PDE7B: variants seen among roughly 807,000 people sequenced by gnomAD.
PDE7B encodes phosphodiesterase 7B.
A neutral mutation model predicts 56.2 loss-of-function variants in PDE7B; 29 were observed. That is an observed-to-expected ratio of 0.52 (90% CI 0.38 to 0.70). The LOEUF is 0.70. PDE7B is among the 30% of genes least tolerant of loss of function. The probability of loss-of-function intolerance (pLI) is 0.00; values close to 1 mark genes in which losing one functional copy is unlikely to be tolerated. For missense variants in PDE7B, 490 were observed against 565.0 expected (o/e 0.87, Z 1.35); for synonymous variants, 197 against 196.9 (o/e 1.00, Z 0.00).
intron 11 of PDE7B, 95 bp from the exon 12 acceptor site, chr6:136,186,941 A>T (rs1165279372): frequency 6.8e-6 from 5 of 740,010 alleles, no homozygotes; most frequent in African/African-American, 5.3e-5. Flanking sequence ...AATTCCCAGA[A>T]TAACTTCTTC....
intron 2 of PDE7B, among the ~76,000 whole-genome samples, chr6:136,083,823 TC>T (rs978410264): frequency 6.6e-6 from 1 of 152,038 alleles, no homozygotes; most frequent in African/African-American, 2.4e-5. Context: ...CTCTCTCTCC[TC>T]CCACATTGAT....
At chr6:135,871,383 A>T (rs970801351) in intron 1 of PDE7B, among the ~76,000 whole-genome samples, 2 of 152,256 alleles carry the variant, frequency 1.3e-5, no homozygotes, top group Non-Finnish European at 1.5e-5. Context: ...TACAAAGACC[A>T]CATAGATCCC....
intron 2 of PDE7B, chr6:136,038,464 T>C: frequency 7.8e-7 from 1 of 1,289,946 alleles, no homozygotes. Flanking sequence ...AATCCAAAAG[T>C]GAGCTGCAGG....
chr6:136,002,688 C>T (rs1775695106), intron 2 of PDE7B, among the ~76,000 whole-genome samples: 1 of 152,164 alleles, frequency 6.6e-6, no homozygotes, highest in Admixed American at 6.5e-5. Context: ...CAGGAGCACC[C>T]AGATTCATAA....
intron 2 of PDE7B, among the ~76,000 whole-genome samples, chr6:136,021,654 A>AG (rs1776074501): frequency 6.6e-6 from 1 of 152,016 alleles, no homozygotes; most frequent in African/African-American, 2.4e-5. Flanking sequence ...CAAAAAAAAA[A>AG]AAAAATCCTG....
chr6:135,870,974 A>G (rs1425151258), intron 1 of PDE7B, among the ~76,000 whole-genome samples: 1 of 152,100 alleles, frequency 6.6e-6, no homozygotes, highest in Non-Finnish European at 1.5e-5. Flanking sequence ...CTGCCCGAAG[A>G]GCTCATGCTA....
chr6:135,863,115 A>C (rs2128184953), intron 1 of PDE7B, among the ~76,000 whole-genome samples: 1 of 152,074 alleles, frequency 6.6e-6, no homozygotes, highest in South Asian at 2.1e-4. Context: ...GCTTGAAGTA[A>C]ATGTATTCTG....
intron 3 of PDE7B, among the ~76,000 whole-genome samples, chr6:136,140,764 T>G (rs1179578798): frequency 4.6e-5 from 7 of 152,172 alleles, no homozygotes; most frequent in Non-Finnish European, 1.0e-4. Flanking sequence ...GATTTGGCTG[T>G]TTGTCTGTTA....
Position 136,149,093 on chromosome 6 carries a change from C to T in PDE7B, c.325C>T (p.Leu109Phe), listed in dbSNP as rs1226791142. 9 of 1,611,310 alleles carry T rather than the reference C, an allele frequency of 5.6e-6. No homozygotes were observed. The highest frequency in any genetic ancestry group is 6.8e-6 in the Non-Finnish European group (8 of 1,177,532). The change falls in exon 5 of 13, where the codon CTC (leucine) becomes TTC (phenylalanine). Residue 109 changes from leucine (L) to phenylalanine (F), a missense_variant. Leu to Phe is a conservative substitution (Grantham distance 22). Transcript: ENST00000308191. Reference sequence around the variant, plus strand: ...TTTTTGTTTGCCTTTTCAGCATATGCTCTCCAAAGTGGGAATGTGGGATTT... The same window carrying T: ...TTTTTGTTTGCCTTTTCAGCATATGTTCTCCAAAGTGGGAATGTGGGATTT... ...EDYLGQARHM[L>F]SKVGMWDFDI...
chr6:136,181,552 G>A (rs918514448), intron 11 of PDE7B, among the ~76,000 whole-genome samples: 10 of 152,126 alleles, frequency 6.6e-5, no homozygotes, highest in Admixed American at 2.0e-4. Flanking sequence ...GTAGTAATGA[G>A]GCAAAATAAA....
intron 2 of PDE7B, among the ~76,000 whole-genome samples, chr6:136,059,482 T>C (rs996059837): frequency 6.6e-6 from 1 of 152,150 alleles, no homozygotes; most frequent in Non-Finnish European, 1.5e-5. Flanking sequence ...TGTGGAGATC[T>C]GAGCTGTGGT....
At chr6:136,132,262 C>G (rs1778130840) in intron 3 of PDE7B, among the ~76,000 whole-genome samples, 1 of 152,062 alleles carries the variant, frequency 6.6e-6, no homozygotes, top group South Asian at 2.1e-4. Context: ...GGCTACTTTA[C>G]TATACCTTTT....
intron 2 of PDE7B, among the ~76,000 whole-genome samples, chr6:135,963,428 T>C (rs1445897175): frequency 6.6e-6 from 1 of 152,146 alleles, no homozygotes; most frequent in Non-Finnish European, 1.5e-5. Flanking sequence ...CGGAGAGAAA[T>C]GCTATATAAC....
intron 1 of PDE7B, among the ~76,000 whole-genome samples, chr6:135,889,274 T>C (rs1367819615): frequency 1.3e-5 from 2 of 151,358 alleles, no homozygotes; most frequent in East Asian, 3.9e-4. Context: ...AGACCCTGGC[T>C]CTCTAGATCC....
intron 1 of PDE7B, among the ~76,000 whole-genome samples, chr6:135,884,840 T>A (rs1775673425): frequency 6.6e-6 from 1 of 152,182 alleles, no homozygotes; most frequent in African/African-American, 2.4e-5. Flanking sequence ...TGTCTGCCTA[T>A]GAGTCAAATT....
intron 1 of PDE7B, among the ~76,000 whole-genome samples, chr6:135,927,926 C>A (rs1386418644): frequency 6.6e-6 from 1 of 152,050 alleles, no homozygotes; most frequent in African/African-American, 2.4e-5. Flanking sequence ...CTGTAAGGAA[C>A]TTAAACAACA....
intron 3 of PDE7B, among the ~76,000 whole-genome samples, chr6:136,113,850 C>CTGAT (rs1483133338): frequency 6.6e-6 from 1 of 152,200 alleles, no homozygotes; most frequent in Non-Finnish European, 1.5e-5. Context: ...GCTCTGTCTC[C>CTGAT]TGATTTAATA....
rs536518666 is a variant in PDE7B, at chr6:136,164,405, T to G, written c.711+8647T>G. Among the ~76,000 whole-genome samples the G allele has an allele frequency of 2.6e-5, 4 of 152,274 alleles. No homozygotes were observed. The East Asian group carries it at 7.7e-4, about 29-fold the overall frequency. ...GGATTATAGGAACTACAATTCAAGA[T>G]GAGATTTGGATGGGGACACAGCCAA... On this transcript the variant is annotated intron_variant, in intron 8 of 12. Transcript: ENST00000308191.
intron 2 of PDE7B, among the ~76,000 whole-genome samples, chr6:135,956,865 A>G (rs1255062366): frequency 6.6e-6 from 1 of 151,946 alleles, no homozygotes; most frequent in Admixed American, 6.6e-5. Context: ...GAAAAGAAAG[A>G]AAGCAAAGAA....
Sources: allele counts gnomAD v4.1 joint callset (sites outside exome capture counted in the v4.1 genomes callset), GRCh38; gene constraint gnomAD v4.1.1; transcripts MANE v1.5; gene names NCBI Gene and HGNC (gene_info 2026-07-23, HGNC 2026-07-21).